The following GPR158 variants were observed in gnomAD, a reference collection of about 807,000 sequenced individuals.
The protein encoded by GPR158 is metabotropic glycine receptor.
A neutral mutation model predicts 78.2 loss-of-function variants in GPR158; 30 were observed. The observed-to-expected ratio is 0.38, with a 90% confidence interval of 0.29 to 0.52. The LOEUF (loss-of-function observed/expected upper bound fraction) is 0.52. GPR158 is among the 20% of genes least tolerant of loss of function. GPR158 has a pLI of 0.83. For missense variants in GPR158, 1,463 were observed against 1,523.5 expected (o/e 0.96, Z 0.66); for synonymous variants, 581 against 591.1 (o/e 0.98, Z 0.25).
At chr10:25,592,913 A>G (rs1428647083) in intron 8 of GPR158, among the ~76,000 whole-genome samples, 1 of 151,592 alleles carries the variant, frequency 6.6e-6, no homozygotes, top group African/African-American at 2.4e-5. Flanking sequence ...CAAAAAAAAA[A>G]AAAAAAAAAG....
chr10:25,522,973 T>G (rs1836298566), intron 5 of GPR158, among the ~76,000 whole-genome samples: 1 of 152,212 alleles, frequency 6.6e-6, no homozygotes, highest in Non-Finnish European at 1.5e-5. Flanking sequence ...TATTTAAAAG[T>G]ACTTTCAAGA....
intron 2 of GPR158, among the ~76,000 whole-genome samples, chr10:25,323,034 A>G (rs1854977264): frequency 6.6e-6 from 1 of 151,974 alleles, no homozygotes; most frequent in Admixed American, 6.6e-5. Context: ...TTTTAGTGAC[A>G]TGGGGTTTCA....
chr10:25,296,742 CTAT>C lies in GPR158; in HGVS notation c.1008+75592_1008+75594del, dbSNP rs375977582. Among the ~76,000 whole-genome samples, 14 of 152,184 alleles carry C rather than the reference CTAT, an allele frequency of 9.2e-5. No homozygotes were observed. The East Asian group carries it at 2.7e-3, about 29-fold the overall frequency. On this transcript the variant is annotated intron_variant, in intron 2 of 10. Transcript: ENST00000376351. ...TCATAATGATATTAAAAAAGAGATA[CTAT>C]TATTATCTTCATTTTACAGTTGAGG...
At chr10:25,452,497 C>T (rs1001392326) in intron 4 of GPR158, among the ~76,000 whole-genome samples, 9 of 152,104 alleles carry the variant, frequency 5.9e-5, no homozygotes, top group Non-Finnish European at 1.2e-4. Context: ...TGAAGTGGCA[C>T]CCACCCAGCA....
At chr10:25,432,759 C>G (rs1394083109) in intron 4 of GPR158, among the ~76,000 whole-genome samples, 1 of 152,106 alleles carries the variant, frequency 6.6e-6, no homozygotes, top group Non-Finnish European at 1.5e-5. Context: ...TCTCTGCTTG[C>G]CTTCCTCCAT....
chr10:25,334,404 C>G (rs1855169457), intron 2 of GPR158, among the ~76,000 whole-genome samples: 1 of 151,694 alleles, frequency 6.6e-6, no homozygotes, highest in Non-Finnish European at 1.5e-5. Flanking sequence ...TCATTTTTGT[C>G]CTGCTGGAAA....
intron 3 of GPR158, among the ~76,000 whole-genome samples, chr10:25,399,511 CTG>C (rs1384108832): frequency 2.6e-5 from 4 of 152,168 alleles, no homozygotes; most frequent in Non-Finnish European, 5.9e-5. Context: ...CATCCCCAAA[CTG>C]TCATCCTGCA....
At chr10:25,540,945 A>AAAATATAT (rs1342123329) in intron 5 of GPR158, among the ~76,000 whole-genome samples, 3 of 82,922 alleles carry the variant, frequency 3.6e-5, no homozygotes, top group African/African-American at 2.9e-4. Flanking sequence ...GTATAATAAA[A>AAAATATAT]ATATATATAT....
intron 2 of GPR158, among the ~76,000 whole-genome samples, chr10:25,364,512 A>G (rs2130538679): frequency 6.6e-6 from 1 of 151,978 alleles, no homozygotes; most frequent in South Asian, 2.1e-4. Flanking sequence ...CGATCTCACA[A>G]AGGAAATGAG....
chr10:25,429,268 CTTACCAATTT>C (rs1183357305), intron 4 of GPR158, among the ~76,000 whole-genome samples: 1 of 152,028 alleles, frequency 6.6e-6, no homozygotes, highest in East Asian at 1.9e-4. Context: ...ACTTTCAATT[CTTACCAATTT>C]TTACTTTTCT....
At chr10:25,460,978 T>C (rs1199117537) in intron 4 of GPR158, among the ~76,000 whole-genome samples, 2 of 152,186 alleles carry the variant, frequency 1.3e-5, no homozygotes, top group Non-Finnish European at 2.9e-5. Flanking sequence ...TGGAATGCCA[T>C]GAACCGCACC....
At chr10:25,594,910 G>T (rs1837381416) in intron 9 of GPR158, among the ~76,000 whole-genome samples, 1 of 152,272 alleles carries the variant, frequency 6.6e-6, no homozygotes, top group South Asian at 2.1e-4. Context: ...AGGGATTCTA[G>T]ACTCGTGGAC....
At chr10:25,431,753 G>T (rs1025460253) in intron 4 of GPR158, among the ~76,000 whole-genome samples, 1 of 151,834 alleles carries the variant, frequency 6.6e-6, no homozygotes, top group African/African-American at 2.4e-5. Context: ...GTAAACTATC[G>T]CAAGAACAAA....
At chr10:25,451,823 T>C (rs1835221376) in intron 4 of GPR158, among the ~76,000 whole-genome samples, 1 of 152,246 alleles carries the variant, frequency 6.6e-6, no homozygotes, top group Non-Finnish European at 1.5e-5. Flanking sequence ...ATTATTGTTA[T>C]CATTGTTGTT....
chr10:25,375,178 G>T (rs924242313), intron 2 of GPR158, among the ~76,000 whole-genome samples: 1 of 151,482 alleles, frequency 6.6e-6, no homozygotes. Flanking sequence ...TTTTTCATAA[G>T]TATATCCTCT....
At chr10:25,491,653 A>G (rs576969062) in intron 5 of GPR158, among the ~76,000 whole-genome samples, 1 of 152,216 alleles carries the variant, frequency 6.6e-6, no homozygotes, top group South Asian at 2.1e-4. Flanking sequence ...TATTATAAAA[A>G]TACTTATTTT....
At chr10:25,388,134 C>A (rs1834247115) in intron 2 of GPR158, among the ~76,000 whole-genome samples, 1 of 152,222 alleles carries the variant, frequency 6.6e-6, no homozygotes, top group Non-Finnish European at 1.5e-5. Flanking sequence ...TTGTAAATCT[C>A]TGCTGGTGGC....
At chr10:25,238,346 C>T (rs971656968) in intron 2 of GPR158, among the ~76,000 whole-genome samples, 1 of 152,176 alleles carries the variant, frequency 6.6e-6, no homozygotes, top group Non-Finnish European at 1.5e-5. Context: ...CCGCATAATA[C>T]CTGGGAGTCC....
intron 2 of GPR158, among the ~76,000 whole-genome samples, chr10:25,390,273 G>T (rs2130520208): frequency 6.6e-6 from 1 of 152,290 alleles, no homozygotes; most frequent in Admixed American, 6.5e-5. Context: ...TTTAGAACTG[G>T]GTAACAGATA....
Sources: allele counts gnomAD v4.1 joint callset (sites outside exome capture counted in the v4.1 genomes callset), GRCh38; gene constraint gnomAD v4.1.1; transcripts MANE v1.5; gene names NCBI Gene and HGNC (gene_info 2026-07-23, HGNC 2026-07-21).